PCSK5: variants seen among roughly 807,000 people sequenced by gnomAD.
PCSK5 encodes proprotein convertase subtilisin/kexin type 5.
PCSK5 carries 129 observed loss-of-function variants against 233.2 expected under a neutral mutation model. The ratio of observed to expected loss-of-function variants is 0.55; its 90% confidence interval spans 0.48 to 0.64. PCSK5 has a LOEUF of 0.64. Among genes scored for constraint, PCSK5 ranks in the 30% least tolerant of loss-of-function variants. PCSK5 has a pLI of 0.00. For missense variants in PCSK5, 2,076 were observed against 2,430.1 expected (o/e 0.85, Z 3.06); for synonymous variants, 825 against 879.2 (o/e 0.94, Z 1.09).
chr9:76,189,746 G>GGTGAGTACAACTGCCCATATCGATCTTAT lies in PCSK5; in HGVS notation c.2626+2_2626+30dup. On this transcript the variant is annotated frameshift_variant and splice_region_variant. Coordinates refer to ENST00000674117, the MANE Select transcript of PCSK5 (RefSeq NM_001372043.1). LOFTEE classifies it high-confidence loss of function. The stretch of plus-strand genomic sequence containing the variant: ...TCAAATGGGAGCCATTTGCAAGGAT[G>GGTGAGTACAACTGCCCATATCGATCTTAT]GTGAGTACAACTGCCCATATCGATC... The GGTGAGTACAACTGCCCATATCGATCTTAT allele has an allele frequency of 6.7e-7, 1 of 1,483,424 alleles. No individual in the cohort carries two copies. Among genetic ancestry groups the GGTGAGTACAACTGCCCATATCGATCTTAT allele is most frequent in the South Asian group, 1.1e-5 (1 of 88,336 alleles). The allele number at this position is 1,483,424 out of a possible 1,614,324, so 91.9% of individuals were successfully genotyped here. A position where few individuals can be genotyped will look rare whatever the true frequency, so the allele number is the denominator to read the frequency against.
At chr9:76,139,926 G>A (rs1344015399) in intron 10 of PCSK5, among the ~76,000 whole-genome samples, 2 of 152,076 alleles carry the variant, frequency 1.3e-5, no homozygotes, top group African/African-American at 4.8e-5. Context: ...ACTCTGCTTG[G>A]TCATGGCTTA....
intron 2 of PCSK5, among the ~76,000 whole-genome samples, chr9:75,939,435 CAA>C (rs1824201536): frequency 6.6e-6 from 1 of 152,178 alleles, no homozygotes; most frequent in Non-Finnish European, 1.5e-5. Context: ...TTCACGTTTT[CAA>C]AGCCTCTTAC....
At chr9:76,119,541 C>T (rs886870913) in intron 9 of PCSK5, among the ~76,000 whole-genome samples, 4 of 152,016 alleles carry the variant, frequency 2.6e-5, no homozygotes, top group African/African-American at 9.7e-5. Flanking sequence ...TCATGGACCC[C>T]AGATTAAAAA....
At chr9:76,121,373 G>A (rs953575489) in intron 9 of PCSK5, among the ~76,000 whole-genome samples, 3 of 151,834 alleles carry the variant, frequency 2.0e-5, no homozygotes, top group East Asian at 3.9e-4. Flanking sequence ...TCATTTTAGC[G>A]TGTTTTATGT....
intron 2 of PCSK5, among the ~76,000 whole-genome samples, chr9:75,949,654 A>G (rs1468635796): frequency 2.6e-5 from 4 of 151,950 alleles, no homozygotes; most frequent in Non-Finnish European, 5.9e-5. Context: ...CAGCCTCCCA[A>G]GTAGCTGGGA....
intron 2 of PCSK5, among the ~76,000 whole-genome samples, chr9:75,971,109 C>G (rs1039884195): frequency 6.6e-6 from 1 of 151,378 alleles, no homozygotes; most frequent in African/African-American, 2.4e-5. Context: ...ACGACAGGCC[C>G]CAGTGTGTGT....
intron 24 of PCSK5, among the ~76,000 whole-genome samples, chr9:76,248,429 G>A (rs1055599032): frequency 6.6e-6 from 1 of 152,122 alleles, no homozygotes; most frequent in African/African-American, 2.4e-5. Flanking sequence ...AAGGAAGAGA[G>A]AGGGGAATAG....
rs200790987 is a variant in PCSK5, at chr9:76,321,441, G to A, written c.3904G>A (p.Gly1302Ser). 1.3e-3 allele frequency: 2,087 copies of A among 1,594,382 alleles called. 3 individuals carry two copies. The highest frequency in any genetic ancestry group is 1.5e-3 in the Middle Eastern group (9 of 5,996). Residue 1302 changes from glycine (G) to serine (S), a missense_variant, in exon 31 of 38, where the codon GGC becomes AGC. This residue lies in a region of PCSK5 where 1,510 missense variants were observed against 1,538.1 expected (regional missense o/e 0.98). Transcript: ENST00000674117. The stretch of plus-strand genomic sequence containing the variant: ...CCACAGGGGCTCTTATGCAGAAGAC[G>A]GCATATGTGAACGCTGTAGCTCTCC... Reference protein sequence around the residue: ...KCPEGSYAEDGICERCSSPCR... With the variant: ...KCPEGSYAEDSICERCSSPCR...
chr9:76,013,945 CT>C (rs142765776), intron 3 of PCSK5, among the ~76,000 whole-genome samples: 5,405 of 144,130 alleles, frequency 0.038, 176 homozygotes, highest in African/African-American at 0.093. Context: ...TTTTTCTCAA[CT>C]TTTTTTTTTT....
chr9:75,901,900 G>A (rs1247300274), intron 1 of PCSK5, among the ~76,000 whole-genome samples: 2 of 152,112 alleles, frequency 1.3e-5, no homozygotes, highest in East Asian at 3.9e-4. Context: ...TCTCATGAAT[G>A]TTCAGGAGCC....
intron 35 of PCSK5, among the ~76,000 whole-genome samples, chr9:76,349,292 GAAA>G (rs1165629106): frequency 2.5e-4 from 14 of 55,810 alleles, no homozygotes; most frequent in Admixed American, 1.4e-3. Flanking sequence ...AAAAAAAAAA[GAAA>G]AAAGAAAAAG....
Position 75,891,140 on chromosome 9 carries a change from G to A in PCSK5, c.-42G>A. 2 of 1,428,772 alleles carry A rather than the reference G, an allele frequency of 1.4e-6. No individual in the cohort carries two copies. 88.5% of individuals were successfully genotyped at this position (1,428,772 alleles called of 1,614,324 possible). On this transcript the variant is annotated 5_prime_UTR_variant, in exon 1 of 38. Transcript: ENST00000674117. ...TTAGTTGTGCGCGCCCTTAGTGCGC[G>A]GAACCAGCCAGCGAGCGAGGGAGCA...
intron 1 of PCSK5, among the ~76,000 whole-genome samples, chr9:75,908,202 A>G (rs1331404520): frequency 1.3e-5 from 2 of 152,214 alleles, no homozygotes; most frequent in South Asian, 2.1e-4. Context: ...CCAGAAGCCA[A>G]TCTCTCAGTA....
At chr9:76,345,624 A>G (rs757017377) in intron 35 of PCSK5, among the ~76,000 whole-genome samples, 1 of 151,410 alleles carries the variant, frequency 6.6e-6, no homozygotes, top group Non-Finnish European at 1.5e-5. Context: ...GGGTTTCACC[A>G]TGTTAGACAG....
chr9:76,316,740 CAAAAAAA>C (rs58485029), intron 30 of PCSK5, among the ~76,000 whole-genome samples: 4 of 64,604 alleles, frequency 6.2e-5, no homozygotes, highest in African/African-American at 6.5e-5. Context: ...CTTGTCTCAC[CAAAAAAA>C]AAAAAAAAAA....
At chr9:76,213,303 T>C (rs1825399671) in intron 20 of PCSK5, among the ~76,000 whole-genome samples, 1 of 152,254 alleles carries the variant, frequency 6.6e-6, no homozygotes, top group African/African-American at 2.4e-5. Context: ...TTTCCAAAAA[T>C]GGAAGAGGAG....
chr9:75,980,542 T>C (rs763041077), intron 2 of PCSK5, among the ~76,000 whole-genome samples: 1 of 152,140 alleles, frequency 6.6e-6, no homozygotes, highest in Non-Finnish European at 1.5e-5. Context: ...CTCCATCACA[T>C]CAAAAGTAAG....
At chr9:76,279,865 C>T (rs373565529) in intron 24 of PCSK5, among the ~76,000 whole-genome samples, 277 of 151,480 alleles carry the variant, frequency 1.8e-3, no homozygotes, top group African/African-American at 5.9e-3. Context: ...TTGTAGGTTG[C>T]CTGTTCACTC....
At chr9:76,175,266 G>GGAATC (rs1823540752) in intron 14 of PCSK5, 137 bp downstream of exon 14, 2 of 639,172 alleles carry the variant, frequency 3.1e-6, no homozygotes, top group African/African-American at 2.2e-5. Flanking sequence ...GGAATGGAAT[G>GGAATC]GAATGGAATC....
Sources: allele counts gnomAD v4.1 joint callset (sites outside exome capture counted in the v4.1 genomes callset), GRCh38; gene constraint gnomAD v4.1.1; regional missense constraint gnomAD v4.1.1; transcripts MANE v1.5; gene names NCBI Gene and HGNC (gene_info 2026-07-23, HGNC 2026-07-21).